The following CCSER1 variants were observed in gnomAD, a reference collection of about 807,000 sequenced individuals.
CCSER1 encodes the protein serine-rich coiled-coil domain-containing protein 1.
A neutral mutation model predicts 82.0 loss-of-function variants in CCSER1; 41 were observed. That is an observed-to-expected ratio of 0.50 (90% CI 0.39 to 0.65). The LOEUF (loss-of-function observed/expected upper bound fraction) is 0.65. Ranked by LOEUF, CCSER1 falls within the 30% of genes least tolerant of loss-of-function variation. CCSER1 has a pLI of 0.00. For missense variants in CCSER1, 1,119 were observed against 1,064.2 expected (o/e 1.05, Z -0.72); for synonymous variants, 414 against 383.9 (o/e 1.08, Z -0.92).
intron 10 of CCSER1, among the ~76,000 whole-genome samples, chr4:91,198,821 G>C (rs1735667165): frequency 6.6e-6 from 1 of 152,032 alleles, no homozygotes; most frequent in Non-Finnish European, 1.5e-5. Context: ...TAAGCAAAAG[G>C]GTTTTTATTT....
chr4:91,083,017 T>C (rs1289255214), intron 9 of CCSER1, among the ~76,000 whole-genome samples: 1 of 152,150 alleles, frequency 6.6e-6, no homozygotes, highest in Non-Finnish European at 1.5e-5. Flanking sequence ...TCCTCAAGGA[T>C]CTAGAACTAG....
At chr4:91,491,746 T>C (rs1260575661) in intron 10 of CCSER1, among the ~76,000 whole-genome samples, 1 of 152,060 alleles carries the variant, frequency 6.6e-6, no homozygotes, top group African/African-American at 2.4e-5. Context: ...TTCCTATTAT[T>C]AAAGAATAAA....
chr4:90,400,270 G>A, intron 4 of CCSER1, 141 bp downstream of exon 4: 1 of 393,892 alleles, frequency 2.5e-6, no homozygotes. Flanking sequence ...AACATGCTAG[G>A]TACCATGGAG....
At chr4:91,367,259 G>A (rs1348118568) in intron 10 of CCSER1, among the ~76,000 whole-genome samples, 1 of 146,526 alleles carries the variant, frequency 6.8e-6, no homozygotes, top group Non-Finnish European at 1.5e-5. Context: ...GGAGGTTGCA[G>A]TGAGCCAAGA....
Position 91,107,165 on chromosome 4 carries a change from G to A in CCSER1, c.2217+21171G>A, listed in dbSNP as rs534457484. ...TAGCCTGAGAACAATAGGCTATACC[G>A]CATAGCCTAGGTGTATAGTAGCCTA... On this transcript the variant is annotated intron_variant, in intron 10 of 10. Transcript: ENST00000509176. Among the ~76,000 whole-genome samples, 52 of 152,144 alleles carry A rather than the reference G, an allele frequency of 3.4e-4. 3 individuals are homozygous for A. Among genetic ancestry groups the A allele is most frequent in the Admixed American group, 2.4e-3 (36 of 15,276 alleles).
intron 9 of CCSER1, among the ~76,000 whole-genome samples, chr4:91,067,036 G>A (rs1418359752): frequency 6.6e-6 from 1 of 152,082 alleles, no homozygotes; most frequent in Non-Finnish European, 1.5e-5. Context: ...ATGGTGGCAG[G>A]TGCCTGTAGT....
chr4:90,368,594 T>G (rs1366791338), intron 3 of CCSER1, among the ~76,000 whole-genome samples: 2 of 151,910 alleles, frequency 1.3e-5, no homozygotes, highest in Non-Finnish European at 1.5e-5. Flanking sequence ...ATGGCACTAC[T>G]GCACTTCAGC....
At chr4:90,334,759 A>G (rs1168427521) in intron 3 of CCSER1, among the ~76,000 whole-genome samples, 1 of 152,186 alleles carries the variant, frequency 6.6e-6, no homozygotes, top group African/African-American at 2.4e-5. Context: ...GAAGGACACC[A>G]ATGAATTATT....
At chr4:90,906,714 T>C (rs1725529479) in intron 8 of CCSER1, among the ~76,000 whole-genome samples, 1 of 152,092 alleles carries the variant, frequency 6.6e-6, no homozygotes, top group Non-Finnish European at 1.5e-5. Context: ...TGGAAAAATC[T>C]TTATCATATA....
chr4:90,914,187 A>G (rs1027967577), intron 8 of CCSER1, among the ~76,000 whole-genome samples: 3 of 152,214 alleles, frequency 2.0e-5, no homozygotes, highest in East Asian at 1.9e-4. Flanking sequence ...TCAACAGAAT[A>G]TACATTATTC....
intron 5 of CCSER1, among the ~76,000 whole-genome samples, chr4:90,525,462 C>T (rs1053917950): frequency 2.0e-5 from 3 of 152,068 alleles, no homozygotes; most frequent in Admixed American, 2.0e-4. Flanking sequence ...AGTAATGCTT[C>T]AGGCTCATTA....
At chr4:90,954,511 C>T (rs1733232924) in intron 9 of CCSER1, among the ~76,000 whole-genome samples, 1 of 152,032 alleles carries the variant, frequency 6.6e-6, no homozygotes, top group South Asian at 2.1e-4. Flanking sequence ...GAATTCTTAA[C>T]ATAGTTCTCA....
intron 5 of CCSER1, among the ~76,000 whole-genome samples, chr4:90,605,159 GAAGA>G (rs1362354980): frequency 2.0e-5 from 3 of 152,140 alleles, no homozygotes; most frequent in Non-Finnish European, 4.4e-5. Flanking sequence ...CCCCCAGAAG[GAAGA>G]AACTCCCGAT....
At chr4:90,840,146 A>G (rs1248159528) in intron 8 of CCSER1, among the ~76,000 whole-genome samples, 1 of 152,174 alleles carries the variant, frequency 6.6e-6, no homozygotes, top group Non-Finnish European at 1.5e-5. Flanking sequence ...TAAAATGAAC[A>G]TCAACTATTT....
chr4:91,443,955 C>G (rs1477713999), intron 10 of CCSER1, among the ~76,000 whole-genome samples: 1 of 151,808 alleles, frequency 6.6e-6, no homozygotes, highest in Non-Finnish European at 1.5e-5. Context: ...CTGAGGAGAG[C>G]TACTTACTGA....
intron 7 of CCSER1, among the ~76,000 whole-genome samples, chr4:90,744,762 G>C: frequency 6.6e-6 from 1 of 151,986 alleles, no homozygotes; most frequent in East Asian, 1.9e-4. Context: ...GCACGTACAA[G>C]GGATCTAGGT....
rs551629156 is a variant in CCSER1 at position 91,523,824 on chromosome 4, G to C, written c.2218-74748G>C. 1.2e-4 allele frequency among the ~76,000 whole-genome samples: 18 copies of C among 152,156 alleles called. No individual in the cohort carries two copies. The East Asian group carries it at 3.1e-3, about 26-fold the overall frequency. ...TTTTGTTCATCTTTACAAAAAACCAGCTCCTGGTTTCATTGATTTTTGAAG... is the reference window on the plus strand; with the variant it reads ...TTTTGTTCATCTTTACAAAAAACCACCTCCTGGTTTCATTGATTTTTGAAG... On this transcript the variant is annotated intron_variant, in intron 10 of 10. Transcript: ENST00000509176.
rs148520476 is a variant in CCSER1, at chr4:90,734,628, C to T, written c.2010+10637C>T. On this transcript the variant is annotated intron_variant, in intron 7 of 10. Coordinates refer to ENST00000509176, the MANE Select transcript of CCSER1 (RefSeq NM_001145065.2). ...ATTTTCACAATTTTCAAATAGATTC[C>T]GTTGGGATATAGAAATGTTAATGAT... is the stretch of plus-strand genomic sequence containing the variant. Among the ~76,000 whole-genome samples the T allele has an allele frequency of 4.5e-3, 685 of 152,056 alleles. 3 individuals are homozygous for T. The highest frequency in any genetic ancestry group is 8.2e-3 in the Non-Finnish European group (558 of 67,944).
intron 9 of CCSER1, among the ~76,000 whole-genome samples, chr4:90,958,070 A>G (rs2150369054): frequency 1.3e-5 from 2 of 152,300 alleles, no homozygotes; most frequent in Middle Eastern, 6.8e-3. Flanking sequence ...ATTCTATTAG[A>G]TGTGTGTGGA....
Sources: gnomAD v4.1 joint callset for allele counts (sites outside exome capture counted in the v4.1 genomes callset) on GRCh38, gnomAD v4.1.1 for gene constraint, MANE v1.5 for transcripts, NCBI Gene and HGNC (gene_info 2026-07-23, HGNC 2026-07-21) for gene names.